SIK3: variants seen among roughly 807,000 people sequenced by gnomAD.
SIK3 encodes SIK family kinase 3.
SIK3 carries 28 observed loss-of-function variants against 144.2 expected under a neutral mutation model. That is an observed-to-expected ratio of 0.19 (90% CI 0.14 to 0.27). The LOEUF (loss-of-function observed/expected upper bound fraction) is 0.27, where lower values mean the gene tolerates loss of function less well. SIK3 is among the 10% of genes least tolerant of loss of function. The pLI, the probability that SIK3 is intolerant of heterozygous loss-of-function variation, is 1.00. For synonymous variants in SIK3, 686 were observed against 676.3 expected (o/e 1.01, Z -0.22); for missense variants, 1,319 against 1,776.0 (o/e 0.74, Z 4.62).
In SIK3 at chr11:116,927,121, G is replaced by A. The variant is rs549613034; in HGVS notation, c.616+98C>T. ...TTAAATTGTCCTTACTTTCACAATA[G>A]TTCTTTCTGAAGAGATGGAAACAGA... On this transcript the variant is annotated intron_variant, in intron 4 of 24. Coordinates refer to ENST00000445177, the MANE Select transcript of SIK3 (RefSeq NM_001366686.3). 1.8e-4 allele frequency: 142 copies of A among 800,786 alleles called. No individual in the cohort carries two copies. In the African/African-American group the frequency reaches 2.4e-3, roughly 14 times the overall value. The allele number at this position is 800,786 out of a possible 1,614,324, so 49.6% of individuals were successfully genotyped here.
chr11:117,007,251 A>C (rs1321066466), intron 1 of SIK3, among the ~76,000 whole-genome samples: 1 of 152,128 alleles, frequency 6.6e-6, no homozygotes, highest in East Asian at 1.9e-4. Flanking sequence ...GGTGGTGAGC[A>C]CCTGTAATCC....
intron 1 of SIK3, among the ~76,000 whole-genome samples, chr11:116,993,885 C>A (rs139544595): frequency 2.0e-5 from 3 of 152,152 alleles, no homozygotes; most frequent in East Asian, 3.8e-4. Context: ...GTGCCTTTTC[C>A]GAACTGTGTG....
chr11:117,045,227 C>T (rs541210108), intron 1 of SIK3, among the ~76,000 whole-genome samples: 1 of 152,276 alleles, frequency 6.6e-6, no homozygotes, highest in African/African-American at 2.4e-5. Flanking sequence ...AACCTCTGTT[C>T]GCCAGCCAAA....
rs146744889 is a variant in SIK3 at position 116,988,421 on chromosome 11, C to T, written c.274-31357G>A. Among the ~76,000 whole-genome samples the T allele has an allele frequency of 2.4e-3, 358 of 151,768 alleles. 1 individual carries two copies. Among genetic ancestry groups the T allele is most frequent in the African/African-American group, 8.3e-3 (342 of 41,416 alleles). On this transcript the variant is annotated intron_variant, in intron 1 of 24. Coordinates refer to ENST00000445177, the MANE Select transcript of SIK3 (RefSeq NM_001366686.3). ...AAAAAAAGAAAAATGAAGTAACTTT[C>T]TAATGATAATTTTTAAAAGAACACA...
At chr11:117,029,884 T>C (rs1952179808) in intron 1 of SIK3, among the ~76,000 whole-genome samples, 1 of 151,654 alleles carries the variant, frequency 6.6e-6, no homozygotes, top group Admixed American at 6.6e-5. Flanking sequence ...AGCAGAGATA[T>C]GGGATTTAGG....
At chr11:116,929,546 T>C (rs1369536189) in intron 3 of SIK3, among the ~76,000 whole-genome samples, 2 of 152,220 alleles carry the variant, frequency 1.3e-5, no homozygotes, top group African/African-American at 4.8e-5. Context: ...TTCTCAAAAC[T>C]GTTATACGGG....
At chr11:116,860,118 G>A (rs1383074647) in intron 19 of SIK3, among the ~76,000 whole-genome samples, 2 of 151,990 alleles carry the variant, frequency 1.3e-5, no homozygotes, top group Non-Finnish European at 2.9e-5. Flanking sequence ...GGTGGCGGGC[G>A]CCTGTAATCC....
At chr11:117,058,732 A>C (rs1329519384) in intron 1 of SIK3, among the ~76,000 whole-genome samples, 2 of 152,212 alleles carry the variant, frequency 1.3e-5, no homozygotes, top group African/African-American at 2.4e-5. Flanking sequence ...AATCAACTCC[A>C]AACAAGTGAG....
At chr11:117,022,590 G>A (rs2135748572) in intron 1 of SIK3, among the ~76,000 whole-genome samples, 1 of 152,264 alleles carries the variant, frequency 6.6e-6, no homozygotes, top group Middle Eastern at 3.4e-3. Flanking sequence ...ATCTGCCTGT[G>A]AGCATATAAA....
chr11:117,066,062 TTTC>T (rs1953998252), intron 1 of SIK3, among the ~76,000 whole-genome samples: 1 of 150,118 alleles, frequency 6.7e-6, no homozygotes, highest in African/African-American at 2.5e-5. Flanking sequence ...TTATTTTTCT[TTTC>T]TTTTCTTCTT....
At chr11:117,013,905 G>GTGTGTGTGTGTGTGT (rs1555127056) in intron 1 of SIK3, among the ~76,000 whole-genome samples, 40 of 47,312 alleles carry the variant, frequency 8.5e-4, no homozygotes, top group East Asian at 2.6e-3. Flanking sequence ...TCTGAGGGGG[G>GTGTGTGTGTGTGTGT]GGGGGGGAGG....
chr11:116,957,175 TTC>T, intron 1 of SIK3, 111 bp from the exon 2 acceptor site: 1 of 563,696 alleles, frequency 1.8e-6, no homozygotes, highest in Non-Finnish European at 3.1e-6. Flanking sequence ...GCTGCCAGTA[TTC>T]TGTTTACAGA....
rs367650098 is a variant in SIK3 at position 116,858,380 on chromosome 11, C to T, written c.3085G>A (p.Gly1029Ser). Residue 1029 changes from glycine (G) to serine (S), a missense_variant, in exon 21 of 25, where the codon GGC (glycine) becomes AGC (serine). By Grantham distance (56) the Gly-to-Ser change is moderately conservative. Transcript: ENST00000445177. This position sits in a 1 kb window ranked among gnomAD's most constrained non-coding sequence, Gnocchi z 5.4. ...GLLSPRHSLTGHSDIRLPPTE... is the reference protein window; with the variant it reads ...GLLSPRHSLTSHSDIRLPPTE... ...GGGGGCAGCCGGATGTCCGAGTGGC[C>T]GGTGAGCGAATGCCGGGGAGAAAGC... 1.5e-4 allele frequency: 246 copies of T among 1,613,464 alleles called. 1 individual carries two copies. Among genetic ancestry groups the T allele is most frequent in the South Asian group, 4.8e-4 (44 of 90,972 alleles).
At chr11:116,965,732 A>G (rs1949503715) in intron 1 of SIK3, among the ~76,000 whole-genome samples, 2 of 77,306 alleles carry the variant, frequency 2.6e-5, no homozygotes, top group Admixed American at 3.9e-4. Context: ...CGTCTCTGCT[A>G]AAATATATAT....
Position 116,875,466 on chromosome 11 carries a change from A to G in SIK3, c.1240-15T>C, listed in dbSNP as rs1944202424. ...GCCTGCTCCGCCTGGAAAGCAGTAC[A>G]TACATATACACGCATACCTTTAACA... On this transcript the variant is annotated splice_polypyrimidine_tract_variant and intron_variant, in intron 9 of 24. Coordinates refer to ENST00000445177, the MANE Select transcript of SIK3 (RefSeq NM_001366686.3). 1.9e-6 allele frequency: 3 copies of G among 1,612,504 alleles called. No individual in the cohort carries two copies. Among genetic ancestry groups the G allele is most frequent in the Non-Finnish European group, 1.7e-6 (2 of 1,178,836 alleles).
intron 3 of SIK3, among the ~76,000 whole-genome samples, chr11:116,950,848 C>T (rs1211314354): frequency 2.6e-5 from 4 of 152,152 alleles, no homozygotes; most frequent in Admixed American, 6.5e-5. Flanking sequence ...TGTTTCTTAC[C>T]GAATTTGCAC....
chr11:116,950,194 T>G, intron 3 of SIK3: 2 of 470,452 alleles, frequency 4.3e-6, no homozygotes, highest in Non-Finnish European at 8.8e-6. Context: ...TTAACTGCAC[T>G]TCTCCAGGAC....
intron 7 of SIK3, 84 bp downstream of exon 7, chr11:116,876,840 G>C: frequency 9.0e-7 from 1 of 1,116,336 alleles, no homozygotes; most frequent in Admixed American, 1.7e-5. Context: ...CCGCCTTTCA[G>C]GTTATGGCCT....
At chr11:116,898,137 A>G (rs1451789711) in intron 4 of SIK3, among the ~76,000 whole-genome samples, 1 of 96,762 alleles carries the variant, frequency 1.0e-5, no homozygotes, top group Non-Finnish European at 2.1e-5. Context: ...CCCCCACCCC[A>G]CAACAGTCCC....
Sources: allele counts gnomAD v4.1 joint callset (sites outside exome capture counted in the v4.1 genomes callset), GRCh38; gene constraint gnomAD v4.1.1; non-coding constraint Gnocchi (gnomAD v3.1); transcripts MANE v1.5; gene names NCBI Gene and HGNC (gene_info 2026-07-23, HGNC 2026-07-21).